Variants in SPTLC2 observed in about 807,000 individuals in gnomAD.
SPTLC2 encodes serine palmitoyltransferase long chain base subunit 2, also known as serine palmitoyltransferase 2.
In SPTLC2, 21 loss-of-function variants were observed where a neutral mutation model predicts 62.0. The observed-to-expected ratio is 0.34, with a 90% CI of 0.24 to 0.49. The LOEUF is 0.49. Ranked by LOEUF, SPTLC2 falls within the 20% of genes least tolerant of loss-of-function variation. The pLI is 0.99. For synonymous variants in SPTLC2, 261 were observed against 261.8 expected, an observed-to-expected ratio of 1.00 and a Z score of 0.03; for missense variants, 511 against 713.0, an observed-to-expected ratio of 0.72 and a Z score of 3.23.
intron 4 of SPTLC2, among the ~76,000 whole-genome samples, chr14:77,572,255 C>A (rs1403478273): frequency 6.6e-6 from 1 of 152,182 alleles, no homozygotes; most frequent in Non-Finnish European, 1.5e-5. Context: ...AAATGTTCTA[C>A]TCCCATCTTC....
chr14:77,539,580 C>G (rs1354381186), intron 9 of SPTLC2, among the ~76,000 whole-genome samples: 3 of 134,612 alleles, frequency 2.2e-5, no homozygotes, highest in Non-Finnish European at 4.7e-5. Context: ...ACCTCTGGCT[C>G]CTGGGCTCAA....
At chr14:77,609,948 T>C (rs574739887) in intron 1 of SPTLC2, among the ~76,000 whole-genome samples, 12 of 152,324 alleles carry the variant, frequency 7.9e-5, no homozygotes, top group Admixed American at 5.9e-4. Flanking sequence ...ATATGTTTCA[T>C]TTTTCTTGGG....
chr14:77,539,831 TG>T (rs1334601643), intron 9 of SPTLC2, among the ~76,000 whole-genome samples: 1 of 152,166 alleles, frequency 6.6e-6, no homozygotes, highest in Non-Finnish European at 1.5e-5. Flanking sequence ...TTTTTGTAGC[TG>T]GCACGTGGTT....
chr14:77,598,496 A>G lies in SPTLC2; in HGVS notation c.133-1116T>C, dbSNP rs1275482616. ...GTAAAATATTTGTAAATGTTTTACT[A>G]CCACACATTCTTAAAGCCACCCAGC... is the stretch of plus-strand genomic sequence containing the variant. On this transcript the variant is annotated intron_variant, in intron 1 of 11. Transcript: ENST00000216484. Among the ~76,000 whole-genome samples the G allele has an allele frequency of 2.0e-5, 3 of 152,350 alleles. No homozygotes were observed. The East Asian group carries it at 5.8e-4, about 29-fold the overall frequency.
rs149123310 is a variant in SPTLC2, at chr14:77,567,534, AGTT to A, written c.756+2847_756+2849del. Among the ~76,000 whole-genome samples, 774 of 152,362 alleles carry A rather than the reference AGTT, an allele frequency of 5.1e-3. 9 individuals are homozygous for A. The highest frequency in any genetic ancestry group is 0.018 in the African/African-American group (748 of 41,592). ...TAAGTTGTTGAATATTTTGGCATGA[AGTT>A]GTTCTTAATACTCCCTTATTATCCT... On this transcript the variant is annotated intron_variant, in intron 5 of 11. Coordinates refer to ENST00000216484, the MANE Select transcript of SPTLC2 (RefSeq NM_004863.4).
intron 2 of SPTLC2, 114 bp downstream of exon 2, chr14:77,597,072 A>T: frequency 1.0e-6 from 1 of 990,060 alleles, no homozygotes; most frequent in Non-Finnish European, 1.5e-6. Flanking sequence ...CTGCATCTGG[A>T]ATAGTTTAAT....
intron 8 of SPTLC2, among the ~76,000 whole-genome samples, chr14:77,553,439 C>A (rs1422369594): frequency 6.6e-6 from 1 of 152,024 alleles, no homozygotes; most frequent in Non-Finnish European, 1.5e-5. Context: ...AGATAAAAAT[C>A]TATCAAACCT....
At chr14:77,572,703 T>C (rs1423862862) in intron 4 of SPTLC2, among the ~76,000 whole-genome samples, 1 of 152,236 alleles carries the variant, frequency 6.6e-6, no homozygotes, top group Non-Finnish European at 1.5e-5. Flanking sequence ...TTATTTTAGC[T>C]AGATCTTCTG....
intron 9 of SPTLC2, among the ~76,000 whole-genome samples, chr14:77,540,600 G>C (rs939851347): frequency 6.6e-6 from 1 of 151,782 alleles, no homozygotes; most frequent in East Asian, 1.9e-4. Context: ...TCAGCCTCCC[G>C]AGTAGCTGGG....
intron 8 of SPTLC2, among the ~76,000 whole-genome samples, chr14:77,554,514 T>C (rs1259977333): frequency 1.3e-5 from 2 of 152,248 alleles, no homozygotes; most frequent in African/African-American, 4.8e-5. Flanking sequence ...TATGTGACTT[T>C]TTGTGACTTT....
chr14:77,564,215 G>A (rs1249774187), intron 5 of SPTLC2, among the ~76,000 whole-genome samples: 1 of 138,674 alleles, frequency 7.2e-6, no homozygotes, highest in African/African-American at 2.8e-5. Context: ...CTGGGCAACA[G>A]AGGGAGACTC....
chr14:77,555,282 T>C lies in SPTLC2; in HGVS notation c.1176+18A>G. 3 of 1,614,022 alleles carry C rather than the reference T, an allele frequency of 1.9e-6. No individual in the cohort carries two copies. Among genetic ancestry groups the C allele is most frequent in the Non-Finnish European group, 2.5e-6 (3 of 1,179,960 alleles). The stretch of plus-strand genomic sequence containing the variant: ...CAGTGACTTTATCTCTAATCGCTCA[T>C]TCTCATGGCTCGTTTACCTTCTTGC... On this transcript the variant is annotated intron_variant, in intron 8 of 11. Coordinates refer to ENST00000216484, the MANE Select transcript of SPTLC2 (RefSeq NM_004863.4).
At chr14:77,598,502 C>T (rs1345614572) in intron 1 of SPTLC2, among the ~76,000 whole-genome samples, 1 of 152,218 alleles carries the variant, frequency 6.6e-6, no homozygotes, top group Non-Finnish European at 1.5e-5. Context: ...TACTACCACA[C>T]ATTCTTAAAG....
intron 11 of SPTLC2, among the ~76,000 whole-genome samples, chr14:77,512,767 G>A (rs117457686): frequency 0.067 from 10,246 of 152,222 alleles, 524 homozygotes; most frequent in Admixed American, 0.16. Context: ...TCAGGCTGGA[G>A]TGCTGTGGCG....
chr14:77,582,940 C>T (rs1321167241), intron 2 of SPTLC2, among the ~76,000 whole-genome samples: 1 of 152,156 alleles, frequency 6.6e-6, no homozygotes, highest in Non-Finnish European at 1.5e-5. Flanking sequence ...CAGTGGCTCA[C>T]GCCGTAATCC....
intron 2 of SPTLC2, among the ~76,000 whole-genome samples, chr14:77,585,442 T>C (rs2079775779): frequency 6.6e-6 from 1 of 151,974 alleles, no homozygotes; most frequent in Non-Finnish European, 1.5e-5. Flanking sequence ...TCAGTTCTAA[T>C]TTAATAACTT....
chr14:77,605,969 T>TA (rs1206424972), intron 1 of SPTLC2, among the ~76,000 whole-genome samples: 1 of 152,236 alleles, frequency 6.6e-6, no homozygotes, highest in African/African-American at 2.4e-5. Context: ...TGTATCTGCC[T>TA]AAGACTGCAA....
intron 10 of SPTLC2, among the ~76,000 whole-genome samples, chr14:77,519,382 T>A (rs1275375521): frequency 6.6e-6 from 1 of 152,146 alleles, no homozygotes; most frequent in Non-Finnish European, 1.5e-5. Flanking sequence ...CTCCCTTATG[T>A]TTCAACTTTT....
intron 2 of SPTLC2, among the ~76,000 whole-genome samples, chr14:77,589,467 C>G (rs2079802890): frequency 6.9e-6 from 1 of 144,718 alleles, no homozygotes. Context: ...CTCACAATAC[C>G]ATTCATATCT....
Sources: allele counts gnomAD v4.1 joint callset (sites outside exome capture counted in the v4.1 genomes callset), GRCh38; gene constraint gnomAD v4.1.1; transcripts MANE v1.5; gene names NCBI Gene and HGNC (gene_info 2026-07-23, HGNC 2026-07-21).